Variants in PDE4D observed in about 807,000 individuals in gnomAD.
The protein encoded by PDE4D is 3',5'-cyclic-AMP phosphodiesterase 4D.
In PDE4D, 24 loss-of-function variants were observed where a neutral mutation model predicts 87.4. The ratio of observed to expected loss-of-function variants is 0.27; its 90% CI spans 0.20 to 0.39. PDE4D has a LOEUF of 0.39. PDE4D is among the 10% of genes least tolerant of loss of function. The probability of loss-of-function intolerance (pLI) is 1.00; values close to 1 mark genes in which losing one functional copy is unlikely to be tolerated. For synonymous variants in PDE4D, 384 were observed against 383.2 expected, an observed-to-expected ratio of 1.00 and a Z score of -0.02; for missense variants, 714 against 1,041.0, an observed-to-expected ratio of 0.69 and a Z score of 4.32.
chr5:60,057,906 C>CCCCTA (rs780342035), intron 2 of PDE4D, among the ~76,000 whole-genome samples: 35 of 151,848 alleles, frequency 2.3e-4, no homozygotes, highest in Non-Finnish European at 4.9e-4. Flanking sequence ...ATATATATAC[C>CCCCTA]AAAGGTCTAT....
At chr5:59,721,644 C>A (rs1460529379) in intron 1 of PDE4D, among the ~76,000 whole-genome samples, 1 of 152,026 alleles carries the variant, frequency 6.6e-6, no homozygotes. Flanking sequence ...CCCTACCCTG[C>A]CCCCTAAAAA....
At chr5:59,234,093 C>T (rs1755828793) in intron 1 of PDE4D, among the ~76,000 whole-genome samples, 2 of 152,100 alleles carry the variant, frequency 1.3e-5, no homozygotes, top group South Asian at 4.1e-4. Context: ...TCATTGCTGA[C>T]TTTCTTTGTT....
intron 1 of PDE4D, among the ~76,000 whole-genome samples, chr5:59,503,503 A>G (rs949209899): frequency 4.6e-5 from 7 of 152,144 alleles, no homozygotes; most frequent in African/African-American, 1.2e-4. Flanking sequence ...TATCTAGTCT[A>G]TAGGTATTAT....
intron 1 of PDE4D, among the ~76,000 whole-genome samples, chr5:60,229,821 T>G (rs1745593395): frequency 6.6e-6 from 1 of 152,148 alleles, no homozygotes; most frequent in African/African-American, 2.4e-5. Flanking sequence ...AGCACTTGAT[T>G]TTGAATACTT....
At chr5:60,267,200 T>G (rs562662909) in intron 1 of PDE4D, among the ~76,000 whole-genome samples, 1 of 152,246 alleles carries the variant, frequency 6.6e-6, no homozygotes, top group East Asian at 1.9e-4. Flanking sequence ...CAACAGCATA[T>G]AAGCAAAGAG....
chr5:58,976,213 G>C, intron 13 of PDE4D, 137 bp downstream of exon 13: 1 of 930,214 alleles, frequency 1.1e-6, no homozygotes, highest in Non-Finnish European at 1.5e-6. Flanking sequence ...TAAAAATTTG[G>C]ATAAAAATCC....
At chr5:59,919,369 A>G (rs1032677538) in intron 3 of PDE4D, among the ~76,000 whole-genome samples, 2 of 152,198 alleles carry the variant, frequency 1.3e-5, no homozygotes, top group African/African-American at 2.4e-5. Flanking sequence ...ATTCTTAGGC[A>G]CCAATTAAAA....
At chr5:59,313,642 C>A (rs153981) in intron 1 of PDE4D, among the ~76,000 whole-genome samples, 79,526 of 151,938 alleles carry the variant, frequency 0.52, 22,318 homozygotes, top group African/African-American at 0.72. Context: ...CAAACCTTAA[C>A]CTTCCTAGCA....
rs537580011 is a variant in PDE4D at position 59,036,009 on chromosome 5, A to G, written c.921+2850T>C. Among the ~76,000 whole-genome samples the G allele has an allele frequency of 2.6e-5, 4 of 152,372 alleles. No individual in the cohort carries two copies. The South Asian group carries it at 8.3e-4, about 32-fold the overall frequency. On this transcript the variant is annotated intron_variant, in intron 6 of 14. Coordinates refer to ENST00000340635, the MANE Select transcript of PDE4D (RefSeq NM_001104631.2). ...TCCTGCTTCAATGCCATCAACAAGC[A>G]AGAAACATATATAATACCAATACAG...
At chr5:59,486,123 A>G (rs570428855) in intron 1 of PDE4D, among the ~76,000 whole-genome samples, 2 of 152,108 alleles carry the variant, frequency 1.3e-5, no homozygotes, top group African/African-American at 4.8e-5. Flanking sequence ...GTAGAGTGAA[A>G]GACAATCTGC....
At chr5:59,051,281 G>A (rs1761512992) in intron 5 of PDE4D, among the ~76,000 whole-genome samples, 1 of 152,210 alleles carries the variant, frequency 6.6e-6, no homozygotes, top group Non-Finnish European at 1.5e-5. Flanking sequence ...GCTGAGGCAG[G>A]AGAATCAATT....
At chr5:59,771,483 A>AAGAAAGAGAG (rs1379469312) in intron 1 of PDE4D, among the ~76,000 whole-genome samples, 2 of 54,404 alleles carry the variant, frequency 3.7e-5, no homozygotes, top group African/African-American at 6.6e-5. Flanking sequence ...GAAAGAAAGA[A>AAGAAAGAGAG]AGAGAGAGAG....
intron 1 of PDE4D, among the ~76,000 whole-genome samples, chr5:60,306,955 T>C (rs1183369071): frequency 6.6e-6 from 1 of 152,156 alleles, no homozygotes; most frequent in African/African-American, 2.4e-5. Context: ...TGGAAGCCTA[T>C]TGTATTCATT....
intron 2 of PDE4D, among the ~76,000 whole-genome samples, chr5:60,058,844 C>A (rs1026626011): frequency 1.3e-5 from 2 of 151,880 alleles, no homozygotes; most frequent in Non-Finnish European, 2.9e-5. Context: ...TGAAAATCTT[C>A]CTCATTTTTT....
At chr5:60,471,204 G>C (rs1747788906) in intron 1 of PDE4D, among the ~76,000 whole-genome samples, 1 of 152,130 alleles carries the variant, frequency 6.6e-6, no homozygotes, top group Non-Finnish European at 1.5e-5. Flanking sequence ...AGATGTGGTG[G>C]AAATAGCAAG....
chr5:59,853,100 T>A (rs924230431), intron 1 of PDE4D, among the ~76,000 whole-genome samples: 18 of 151,990 alleles, frequency 1.2e-4, no homozygotes, highest in African/African-American at 4.1e-4. Context: ...AGAAGAAAAA[T>A]CCTTTTAGAC....
intron 1 of PDE4D, among the ~76,000 whole-genome samples, chr5:60,238,393 C>A (rs925215276): frequency 1.3e-5 from 2 of 151,930 alleles, no homozygotes; most frequent in Non-Finnish European, 2.9e-5. Context: ...TGTCCCCTGG[C>A]AAACACATCC....
chr5:60,400,269 TC>T (rs1310391880), intron 1 of PDE4D, among the ~76,000 whole-genome samples: 1 of 152,122 alleles, frequency 6.6e-6, no homozygotes, highest in Non-Finnish European at 1.5e-5. Flanking sequence ...TCGCCTGTAA[TC>T]CCAGCACTTT....
intron 1 of PDE4D, among the ~76,000 whole-genome samples, chr5:59,477,939 G>T (rs1176406237): frequency 1.3e-5 from 2 of 152,042 alleles, no homozygotes; most frequent in Non-Finnish European, 2.9e-5. Context: ...ATTAATGCTG[G>T]AACATAAAAC....
Sources: gnomAD v4.1 joint callset for allele counts (sites outside exome capture counted in the v4.1 genomes callset) on GRCh38, gnomAD v4.1.1 for gene constraint, MANE v1.5 for transcripts, NCBI Gene and HGNC (gene_info 2026-07-23, HGNC 2026-07-21) for gene names.